Variants in NGDN observed in about 807,000 individuals in gnomAD.
NGDN encodes EIF4E-binding protein.
NGDN carries 41 observed loss-of-function variants against 45.2 expected under a neutral mutation model. That is an observed-to-expected ratio of 0.91 (90% CI 0.71 to 1.18). The LOEUF (loss-of-function observed/expected upper bound fraction) is 1.18, where lower values mean the gene tolerates loss of function less well. NGDN is among the 50% of genes most tolerant of loss of function. The pLI is 0.00. For missense variants in NGDN, 402 were observed against 399.9 expected (o/e 1.01, Z -0.05); for synonymous variants, 137 against 130.9 (o/e 1.05, Z -0.32).
chr14:23,475,357 T>C (rs1488375090), intron 4 of NGDN, 49 bp downstream of exon 4: 2 of 1,564,756 alleles, frequency 1.3e-6, no homozygotes, highest in Admixed American at 3.7e-5. Context: ...AATTTTGAGC[T>C]CCAAGGGTAT....
chr14:23,476,478 C>T (rs1277845063), intron 8 of NGDN, 71 bp downstream of exon 8: 1 of 1,290,168 alleles, frequency 7.8e-7, no homozygotes, highest in Non-Finnish European at 1.1e-6. Flanking sequence ...ACTAATGTGA[C>T]TAAGTTTGGT....
chr14:23,470,153 G>A, intron 2 of NGDN, 52 bp downstream of exon 2: 4 of 1,509,154 alleles, frequency 2.7e-6, no homozygotes, highest in Non-Finnish European at 3.7e-6. Context: ...CTTTGAGTTT[G>A]TGTACTTCAC....
At position 23,477,303 on chromosome 14, in the gene NGDN, A is replaced by G. The variant is rs746951438; in HGVS notation, c.817A>G (p.Thr273Ala). ...NVMSSQLHSL[T>A]HFSDISALTG... ...CATGAGCTCACAACTTCATTCCCTTACACACTTCAGTGACATCAGTGCTTT... is the reference window on the plus strand; with the variant it reads ...CATGAGCTCACAACTTCATTCCCTTGCACACTTCAGTGACATCAGTGCTTT... Residue 273 changes from threonine (T) to alanine (A), a missense_variant, in exon 9 of 11, where the codon ACA becomes GCA. By Grantham distance (58) the Thr-to-Ala change is moderately conservative (BLOSUM62 0). Coordinates refer to ENST00000408901, the MANE Select transcript of NGDN (RefSeq NM_001042635.2). The G allele has an allele frequency of 9.3e-6, 15 of 1,614,204 alleles. No homozygotes were observed. The South Asian group carries it at 9.9e-5, about 11-fold the overall frequency.
chr14:23,472,697 A>T (rs1006312679), intron 3 of NGDN, among the ~76,000 whole-genome samples: 1 of 152,300 alleles, frequency 6.6e-6, no homozygotes, highest in East Asian at 1.9e-4. Flanking sequence ...CAAATATTCT[A>T]TGGGTAAATA....
intron 6 of NGDN, 113 bp from the exon 7 acceptor site, chr14:23,475,916 T>G (rs920060605): frequency 1.4e-6 from 2 of 1,470,282 alleles, no homozygotes; most frequent in African/African-American, 2.8e-5. Flanking sequence ...AGTTTGAGAT[T>G]CCCTTTTTTC....
chr14:23,470,007 A>G, intron 1 of NGDN, 35 bp from the exon 2 acceptor site: 30 of 1,610,010 alleles, frequency 1.9e-5, no homozygotes, highest in Non-Finnish European at 2.5e-5. Context: ...TGAGGAAAGA[A>G]TGACTTTTCT....
rs751659638 is a variant in NGDN at position 23,475,792 on chromosome 14, G to T, written c.420+14G>T. On this transcript the variant is annotated intron_variant, in intron 6 of 10. Transcript: ENST00000408901. ...ATGATGAGCAAGGTAAGGGGTTGTA[G>T]TATTCTCCTGATTTTTTTCTGAGGC... 5.0e-6 allele frequency: 8 copies of T among 1,610,366 alleles called. No individual in the cohort carries two copies. In the Admixed American group the frequency reaches 1.3e-4, roughly 27 times the overall value.
Position 23,475,582 on chromosome 14 carries a change from G to A in NGDN, c.307G>A (p.Asp103Asn). ...RTVLEKLRPL[D>N]QKLKYQIDKL... ...GGTTTTGGAAAAGCTTCGTCCCTTG[G>A]ACCAAAAGCTGAAGTATCAAATTGA... is the stretch of plus-strand genomic sequence containing the variant. Residue 103 changes from aspartate to asparagine, a missense_variant, in exon 5 of 11, where the codon GAC (aspartate) becomes AAC (asparagine). Transcript: ENST00000408901. 1 of 1,614,096 alleles carries A rather than the reference G, an allele frequency of 6.2e-7. No individual in the cohort carries two copies. The highest frequency in any genetic ancestry group is 8.5e-7 in the Non-Finnish European group (1 of 1,180,028).
intron 3 of NGDN, among the ~76,000 whole-genome samples, chr14:23,472,045 C>T (rs751588092): frequency 4.4e-4 from 67 of 151,380 alleles, no homozygotes; most frequent in African/African-American, 1.5e-3. Context: ...ATTAGCTGGG[C>T]GCAGTGGTGT....
At chr14:23,470,357 G>A (rs1893745789) in intron 2 of NGDN, 1 of 466,104 alleles carries the variant, frequency 2.1e-6, no homozygotes, top group African/African-American at 2.0e-5. Context: ...GCTTGGAATG[G>A]TAACATGACT....
chr14:23,472,127 A>T (rs1681681847), intron 3 of NGDN, among the ~76,000 whole-genome samples: 1 of 147,500 alleles, frequency 6.8e-6, no homozygotes, highest in African/African-American at 2.5e-5. Context: ...CGAGGCTGCC[A>T]TGAGCCACGG....
chr14:23,469,865 C>A, intron 1 of NGDN, 138 bp downstream of exon 1: 2 of 1,290,058 alleles, frequency 1.6e-6, no homozygotes, highest in South Asian at 1.3e-5. Flanking sequence ...CTAGAGTTAC[C>A]GTTCCTGTCC....
rs566567181 is a variant in NGDN at position 23,476,314 on chromosome 14, G to A, written c.620G>A (p.Arg207His). 7 of 1,614,040 alleles carry A rather than the reference G, an allele frequency of 4.3e-6. 1 individual carries two copies. In the South Asian group the frequency reaches 4.4e-5, roughly 10 times the overall value. ...KRRALSSSVI[R>H]ELKEQYSDAP... ...CGGGCATTGAGCAGCTCTGTCATTCGTGAACTTAAGGAGCAGTACTCAGAT... is the reference window on the plus strand; with the variant it reads ...CGGGCATTGAGCAGCTCTGTCATTCATGAACTTAAGGAGCAGTACTCAGAT... Residue 207 changes from arginine to histidine, a missense_variant, in exon 8 of 11, where the codon CGT becomes CAT. By Grantham distance (29) the Arg-to-His change is conservative. Transcript: ENST00000408901.
At chr14:23,470,657 T>A (rs1444382110) in intron 2 of NGDN, among the ~76,000 whole-genome samples, 3 of 152,254 alleles carry the variant, frequency 2.0e-5, no homozygotes, top group Admixed American at 6.5e-5. Context: ...CACTACTCTC[T>A]CAGTCCTTTT....
At chr14:23,477,176 C>CT (rs772912698) in intron 8 of NGDN, 24 bp from the exon 9 acceptor site, 1 of 1,612,928 alleles carries the variant, frequency 6.2e-7, no homozygotes, top group African/African-American at 1.3e-5. Context: ...TCTGAGCCTG[C>CT]TGGAAACTGT....
rs749546420 is a variant in NGDN, at chr14:23,475,342, T to A, written c.282+34T>A. The A allele has an allele frequency of 3.1e-5, 49 of 1,589,868 alleles. No homozygotes were observed. In the South Asian group the frequency reaches 4.3e-4, roughly 14 times the overall value. On this transcript the variant is annotated intron_variant, in intron 4 of 10. Transcript: ENST00000408901. Reference sequence around the variant, plus strand: ...CATTTGGCTTCTTGGAGTTTTAGGTTTCTAAATTTTGAGCTCCAAGGGTAT... The same window carrying A: ...CATTTGGCTTCTTGGAGTTTTAGGTATCTAAATTTTGAGCTCCAAGGGTAT...
intron 8 of NGDN, 116 bp downstream of exon 8, chr14:23,476,523 G>A (rs1420795078): frequency 4.0e-6 from 4 of 996,304 alleles, no homozygotes; most frequent in Non-Finnish European, 5.6e-6. Flanking sequence ...AAAATGGAGT[G>A]AAAACTTTGG....
intron 3 of NGDN, 93 bp from the exon 4 acceptor site, chr14:23,475,076 CTT>C: frequency 7.5e-7 from 1 of 1,340,630 alleles, no homozygotes; most frequent in Non-Finnish European, 1.0e-6. Flanking sequence ...TTGGGAAAAT[CTT>C]GAACTTGGAA....
chr14:23,470,257 A>T (rs1219600066), intron 2 of NGDN, 156 bp downstream of exon 2: 3 of 630,756 alleles, frequency 4.8e-6, no homozygotes, highest in Non-Finnish European at 8.4e-6. Flanking sequence ...AATTCTAAGT[A>T]ATTGATTCTG....
Sources: allele counts gnomAD v4.1 joint callset (sites outside exome capture counted in the v4.1 genomes callset), GRCh38; gene constraint gnomAD v4.1.1; transcripts MANE v1.5; gene names NCBI Gene and HGNC (gene_info 2026-07-23, HGNC 2026-07-21).